The following BRIP1 variants were observed in gnomAD, a reference collection of about 807,000 sequenced individuals.
BRIP1 encodes the protein BRCA1 interacting DNA helicase 1, also known as Fanconi anemia group J protein.
A neutral mutation model predicts 119.7 loss-of-function variants in BRIP1; 88 were observed. The ratio of observed to expected loss-of-function variants is 0.74; its 90% CI spans 0.62 to 0.88. BRIP1 has a LOEUF of 0.88. Ranked by LOEUF, BRIP1 falls within the 40% of genes least tolerant of loss-of-function variation. The pLI, the probability that BRIP1 is intolerant of heterozygous loss-of-function variation, is 0.00. For missense variants in BRIP1, 1,259 were observed against 1,455.4 expected (o/e 0.87, Z 2.20); for synonymous variants, 443 against 496.5 (o/e 0.89, Z 1.43).
chr17:61,846,984 T>G lies in BRIP1; in HGVS notation c.627+117A>C. The G allele has an allele frequency of 2.4e-6, 3 of 1,275,600 alleles. No homozygotes were observed. The highest frequency in any genetic ancestry group is 3.3e-6 in the Non-Finnish European group (3 of 896,764). The allele number at this position is 1,275,600 out of a possible 1,614,324, so 79.0% of individuals were successfully genotyped here. A position where few individuals can be genotyped will look rare whatever the true frequency, so the allele number is the denominator to read the frequency against. The stretch of plus-strand genomic sequence containing the variant: ...CAGAGATGTGACAGCATTGAGGACT[T>G]CTGAGTGGGTTGCTACTGTCCTTTG... On this transcript the variant is annotated intron_variant, in intron 6 of 19. Transcript: ENST00000259008. This position sits in a 1 kb window ranked among gnomAD's most constrained non-coding sequence, Gnocchi z 4.3.
chr17:61,696,618 GAGGTTGCAGT>G (rs2144216395), intron 17 of BRIP1, among the ~76,000 whole-genome samples: 1 of 150,914 alleles, frequency 6.6e-6, no homozygotes, highest in Non-Finnish European at 1.5e-5. Flanking sequence ...CTGGGAGGTA[GAGGTTGCAGT>G]GAGCTGAGAT....
chr17:61,787,185 T>C (rs1356210358), intron 10 of BRIP1, among the ~76,000 whole-genome samples: 1 of 88,916 alleles, frequency 1.1e-5, no homozygotes, highest in Non-Finnish European at 1.9e-5. Flanking sequence ...TATAAAAATA[T>C]ATTATATACT....
Position 61,794,028 on chromosome 17 carries a change from C to T in BRIP1, c.1341-299G>A, listed in dbSNP as rs1274165355. ...AGCTAATGTCTCTTCAACTGAGAGC[C>T]AGGTCTTAGGTACTTATCCCAAATA... On this transcript the variant is annotated intron_variant, in intron 9 of 19. Coordinates refer to ENST00000259008, the MANE Select transcript of BRIP1 (RefSeq NM_032043.3). The surrounding 1 kb of genome is among the most constrained non-coding windows in gnomAD (Gnocchi z 4.3). 6.6e-6 allele frequency among the ~76,000 whole-genome samples: 1 copy of T among 152,052 alleles called. No individual in the cohort carries two copies. Among genetic ancestry groups the T allele is most frequent in the Non-Finnish European group, 1.5e-5 (1 of 67,992 alleles).
At position 61,862,706 on chromosome 17, in the gene BRIP1, T is replaced by C. The variant is rs907561397; in HGVS notation, c.-31+578A>G. Among the ~76,000 whole-genome samples the C allele has an allele frequency of 1.1e-4, 17 of 152,182 alleles. No individual in the cohort carries two copies. Among genetic ancestry groups the C allele is most frequent in the Non-Finnish European group, 4.4e-5 (3 of 68,018 alleles). Reference sequence around the variant, plus strand: ...ACATGCACTGTTATTAAATAAGGAATTATTTGCAGTCGTGGGAAAAAATTG... The same window carrying C: ...ACATGCACTGTTATTAAATAAGGAACTATTTGCAGTCGTGGGAAAAAATTG... On this transcript the variant is annotated intron_variant, in intron 1 of 19. Coordinates refer to ENST00000259008, the MANE Select transcript of BRIP1 (RefSeq NM_032043.3). This position sits in a 1 kb window ranked among gnomAD's most constrained non-coding sequence, Gnocchi z 5.3.
At chr17:61,696,561 A>G (rs2144215721) in intron 17 of BRIP1, among the ~76,000 whole-genome samples, 1 of 152,118 alleles carries the variant, frequency 6.6e-6, no homozygotes, top group Admixed American at 6.6e-5. Context: ...AGAATTCACC[A>G]GTGAAGCCAT....
rs995515571 is a variant in BRIP1 at position 61,687,177 on chromosome 17, T to C, written c.2576-1012A>G. ...ATTGCTTGAGGCCAGGAGTTCAAGG[T>C]TTCAGTGAACTATGATCACGTCACT... On this transcript the variant is annotated intron_variant, in intron 18 of 19. Coordinates refer to ENST00000259008, the MANE Select transcript of BRIP1 (RefSeq NM_032043.3). The surrounding 1 kb of genome is among the most constrained non-coding windows in gnomAD (Gnocchi z 5.1). Among the ~76,000 whole-genome samples, 4 of 152,052 alleles carry C rather than the reference T, an allele frequency of 2.6e-5. No homozygotes were observed. The highest frequency in any genetic ancestry group is 4.4e-5 in the Non-Finnish European group (3 of 68,010).
intron 17 of BRIP1, among the ~76,000 whole-genome samples, chr17:61,707,641 T>C (rs959041097): frequency 1.3e-5 from 2 of 152,162 alleles, no homozygotes; most frequent in African/African-American, 4.8e-5. Flanking sequence ...ATTTAAAAAT[T>C]GTTGGTATCA....
At chr17:61,839,779 G>A (rs571157662) in intron 6 of BRIP1, among the ~76,000 whole-genome samples, 24 of 152,218 alleles carry the variant, frequency 1.6e-4, no homozygotes, top group Non-Finnish European at 1.8e-4. Flanking sequence ...GAGATATGTA[G>A]AGTTATACCA....
At chr17:61,781,521 T>C (rs2077618952) in intron 11 of BRIP1, among the ~76,000 whole-genome samples, 1 of 152,220 alleles carries the variant, frequency 6.6e-6, no homozygotes, top group Admixed American at 6.5e-5. Flanking sequence ...AACCTGAGTC[T>C]CAGCCTTCAT....
rs533827333 is a variant in BRIP1 at position 61,808,777 on chromosome 17, C to A, written c.628-20G>T. ...AGGGGGCTGTAAGAAAGGAAAGAAA[C>A]GATAACTAATATCTAAACTACCATA... On this transcript the variant is annotated intron_variant, in intron 6 of 19. Transcript: ENST00000259008. This position sits in a 1 kb window ranked among gnomAD's most constrained non-coding sequence, Gnocchi z 4.1. The A allele has an allele frequency of 6.2e-7, 1 of 1,606,658 alleles. No homozygotes were observed. The highest frequency in any genetic ancestry group is 8.5e-7 in the Non-Finnish European group (1 of 1,177,926).
chr17:61,727,885 A>G (rs921006695), intron 16 of BRIP1, among the ~76,000 whole-genome samples: 1 of 151,054 alleles, frequency 6.6e-6, no homozygotes, highest in East Asian at 1.9e-4. Context: ...GCTAGAGTAC[A>G]GTGGCATGAT....
chr17:61,838,948 T>C (rs1360473309), intron 6 of BRIP1, among the ~76,000 whole-genome samples: 2 of 152,102 alleles, frequency 1.3e-5, no homozygotes, highest in African/African-American at 2.4e-5. Context: ...CTATTTTTCT[T>C]CTACTTTTCA....
chr17:61,780,642 C>T lies in BRIP1; in HGVS notation c.1794+198G>A, dbSNP rs1416746615. On this transcript the variant is annotated intron_variant, in intron 12 of 19. Transcript: ENST00000259008. This position sits in a 1 kb window ranked among gnomAD's most constrained non-coding sequence, Gnocchi z 5.4. ...ACTCGGGAAGCTAAGGTGGGAGGAT[C>T]GCTTGAGCCTGGAAGGTCAAGGCTA... 6.6e-6 allele frequency among the ~76,000 whole-genome samples: 1 copy of T among 152,032 alleles called. No individual in the cohort carries two copies. The highest frequency in any genetic ancestry group is 1.5e-5 in the Non-Finnish European group (1 of 67,996).
In BRIP1 at chr17:61,776,181, C is replaced by A; in HGVS notation, c.2097+220G>T. 1.8e-6 allele frequency: 1 copy of A among 542,986 alleles called. No homozygotes were observed. Among genetic ancestry groups the A allele is most frequent in the Non-Finnish European group, 3.2e-6 (1 of 311,030 alleles). The allele number at this position is 542,986 out of a possible 1,614,324, so 33.6% of individuals were successfully genotyped here. On this transcript the variant is annotated intron_variant, in intron 14 of 19. Transcript: ENST00000259008. The surrounding 1 kb of genome is among the most constrained non-coding windows in gnomAD (Gnocchi z 5.0). ...ACAAGCATGAGCCACCACGTCCAGC[C>A]TTGCTCTTTCAGACTTTTAAGTAAA...
intron 16 of BRIP1, 89 bp from the exon 17 acceptor site, chr17:61,716,152 A>G (rs1260651411): frequency 6.2e-6 from 5 of 808,838 alleles, no homozygotes; most frequent in African/African-American, 5.3e-5. Context: ...TTGAATATAC[A>G]TATTTTTAGG....
At chr17:61,763,490 G>A (rs1256175979) in intron 14 of BRIP1, among the ~76,000 whole-genome samples, 1 of 151,750 alleles carries the variant, frequency 6.6e-6, no homozygotes, top group Non-Finnish European at 1.5e-5. Context: ...GATCTCTCAT[G>A]TTAGCATGAC....
At position 61,780,519 on chromosome 17, in the gene BRIP1, G is replaced by C; in HGVS notation, c.1795-118C>G. On this transcript the variant is annotated intron_variant, in intron 12 of 19. Transcript: ENST00000259008. This position sits in a 1 kb window ranked among gnomAD's most constrained non-coding sequence, Gnocchi z 5.4. ...GAAGCAGGAAGATCGCTTGAGTCTA[G>C]GAGTCTGAGACCAGCCTGGGCAATA... 1.1e-6 allele frequency: 1 copy of C among 950,704 alleles called. No individual in the cohort carries two copies. The highest frequency in any genetic ancestry group is 1.7e-6 in the Non-Finnish European group (1 of 598,642). The allele number at this position is 950,704 out of a possible 1,614,324, so 58.9% of individuals were successfully genotyped here. A position where few individuals can be genotyped will look rare whatever the true frequency, so the allele number is the denominator to read the frequency against.
chr17:61,776,170 C>T lies in BRIP1; in HGVS notation c.2097+231G>A, dbSNP rs530841230. On this transcript the variant is annotated intron_variant, in intron 14 of 19. Coordinates refer to ENST00000259008, the MANE Select transcript of BRIP1 (RefSeq NM_032043.3). This position sits in a 1 kb window ranked among gnomAD's most constrained non-coding sequence, Gnocchi z 5.0. The stretch of plus-strand genomic sequence containing the variant: ...CTGCTGGGATTACAAGCATGAGCCA[C>T]CACGTCCAGCCTTGCTCTTTCAGAC... 45 of 500,826 alleles carry T rather than the reference C, an allele frequency of 9.0e-5. No homozygotes were observed. The East Asian group carries it at 1.5e-3, about 17-fold the overall frequency. The allele number at this position is 500,826 out of a possible 1,614,324, so 31.0% of individuals were successfully genotyped here.
intron 14 of BRIP1, among the ~76,000 whole-genome samples, chr17:61,749,928 G>T (rs946854343): frequency 6.6e-6 from 1 of 152,152 alleles, no homozygotes; most frequent in Non-Finnish European, 1.5e-5. Context: ...GTCCTAACAG[G>T]TTTTTTAAAA....
Sources: gnomAD v4.1 joint callset for allele counts (sites outside exome capture counted in the v4.1 genomes callset) on GRCh38, gnomAD v4.1.1 for gene constraint, Gnocchi (gnomAD v3.1) non-coding constraint, MANE v1.5 for transcripts, NCBI Gene and HGNC (gene_info 2026-07-23, HGNC 2026-07-21) for gene names.